Variants in C1QTNF7 observed in about 807,000 individuals in gnomAD.
C1QTNF7 encodes C1q and TNF related 7, also known as complement C1q tumor necrosis factor-related protein 7.
C1QTNF7 carries 15 observed loss-of-function variants against 19.6 expected under a neutral mutation model. The observed-to-expected ratio is 0.76, with a 90% CI of 0.51 to 1.18. C1QTNF7 has a LOEUF of 1.18. Ranked by LOEUF, C1QTNF7 falls within the 50% of genes most tolerant of loss-of-function variation. The pLI is 0.00. For synonymous variants in C1QTNF7, 142 were observed against 137.5 expected (o/e 1.03, Z -0.23); for missense variants, 324 against 359.7 (o/e 0.90, Z 0.80).
rs555051765 is a variant in C1QTNF7, at chr4:15,445,309, G to A, written c.*2510G>A. 1 of 152,178 alleles carries A rather than the reference G, an allele frequency of 6.6e-6. No homozygotes were observed. Among genetic ancestry groups the A allele is most frequent in the African/African-American group, 2.4e-5 (1 of 41,454 alleles). 9.4% of individuals were successfully genotyped at this position (152,178 alleles called of 1,614,324 possible). ...TAATCCGGGAAAAGTGAACATATGG[G>A]CCCTTTAAAGACTACAAGATTTGCT... On this transcript the variant is annotated 3_prime_UTR_variant, in exon 3 of 3. Coordinates refer to ENST00000444304, the MANE Select transcript of C1QTNF7 (RefSeq NM_031911.5).
chr4:15,401,059 T>C (rs892883000), intron 1 of C1QTNF7, among the ~76,000 whole-genome samples: 2 of 152,202 alleles, frequency 1.3e-5, no homozygotes, highest in African/African-American at 4.8e-5. Flanking sequence ...CCGGAAATAC[T>C]AGCGGGCGCA....
chr4:15,412,268 C>T lies in C1QTNF7; in HGVS notation c.14-23468C>T, dbSNP rs114873639. On this transcript the variant is annotated intron_variant, in intron 1 of 2. Coordinates refer to the C1QTNF7 transcript ENST00000295297. ...CATTACAGTATAATAATAATAGAAA[C>T]AAAGTGCACAATAAATGTAATGCAC... Among the ~76,000 whole-genome samples the T allele has an allele frequency of 6.4e-3, 981 of 152,190 alleles. 16 individuals are homozygous for T. The highest frequency in any genetic ancestry group is 0.022 in the African/African-American group (932 of 41,496).
chr4:15,350,761 A>C (rs1308318234), intron 1 of C1QTNF7, among the ~76,000 whole-genome samples: 1 of 152,234 alleles, frequency 6.6e-6, no homozygotes, highest in Non-Finnish European at 1.5e-5. Context: ...AAACCTATTA[A>C]AATCAAAGCA....
At chr4:15,400,942 G>A (rs1442398215) in intron 1 of C1QTNF7, among the ~76,000 whole-genome samples, 1 of 152,090 alleles carries the variant, frequency 6.6e-6, no homozygotes, top group Non-Finnish European at 1.5e-5. Flanking sequence ...AGGGGAAAGG[G>A]GACATGTAGG....
chr4:15,378,614 GA>G (rs1371886254), intron 1 of C1QTNF7, among the ~76,000 whole-genome samples: 1 of 152,096 alleles, frequency 6.6e-6, no homozygotes, highest in Non-Finnish European at 1.5e-5. Flanking sequence ...TACATTGTTG[GA>G]GGAGATAAGA....
At chr4:15,441,757 C>T (rs1230135802) in intron 2 of C1QTNF7, among the ~76,000 whole-genome samples, 2 of 152,148 alleles carry the variant, frequency 1.3e-5, no homozygotes, top group Non-Finnish European at 2.9e-5. Context: ...CGCGGTGGCT[C>T]ATGCCTATAA....
intron 1 of C1QTNF7, among the ~76,000 whole-genome samples, chr4:15,364,366 T>C (rs1274100288): frequency 1.3e-5 from 2 of 152,210 alleles, no homozygotes; most frequent in Admixed American, 6.5e-5. Context: ...TGGGCAAGTT[T>C]CACAGCTCTA....
At chr4:15,339,922 G>T, upstream of C1QTNF7, 1 of 560,606 alleles carries the variant, frequency 1.8e-6, no homozygotes, top group Non-Finnish European at 3.1e-6. Context: ...AATTATAGAA[G>T]TTGGCAAGTC....
intron 1 of C1QTNF7, among the ~76,000 whole-genome samples, chr4:15,354,409 C>T (rs1365308180): frequency 3.3e-5 from 5 of 152,050 alleles, no homozygotes; most frequent in Non-Finnish European, 7.4e-5. Context: ...TTTAGGAAGA[C>T]GAAGCTGACC....
intron 1 of C1QTNF7, among the ~76,000 whole-genome samples, chr4:15,428,683 A>G (rs1266762124): frequency 6.6e-6 from 1 of 152,178 alleles, no homozygotes; most frequent in Non-Finnish European, 1.5e-5. Flanking sequence ...GAGCCCCCAA[A>G]AGCAAAGAAC....
intron 1 of C1QTNF7, among the ~76,000 whole-genome samples, chr4:15,392,611 C>T (rs1272260262): frequency 2.0e-5 from 3 of 152,196 alleles, no homozygotes; most frequent in South Asian, 2.1e-4. Context: ...CTTCTCTTTG[C>T]GTGGAATGAT....
At chr4:15,424,219 C>G (rs1180452074), upstream of C1QTNF7, among the ~76,000 whole-genome samples, 1 of 152,154 alleles carries the variant, frequency 6.6e-6, no homozygotes, top group African/African-American at 2.4e-5. Context: ...ATATCCAATA[C>G]AATACTTGTC....
chr4:15,393,125 A>G (rs926527947), intron 1 of C1QTNF7, among the ~76,000 whole-genome samples: 1 of 152,160 alleles, frequency 6.6e-6, no homozygotes, highest in Non-Finnish European at 1.5e-5. Context: ...ATGGTTTTAT[A>G]AGGGGAAATC....
chr4:15,394,429 T>C (rs4698105), intron 1 of C1QTNF7, among the ~76,000 whole-genome samples: 17,450 of 152,300 alleles, frequency 0.11, 1,678 homozygotes, highest in African/African-American at 0.23. Flanking sequence ...CACCACATAT[T>C]GTTTAGTGAA....
At chr4:15,371,572 G>T (rs1356898396) in intron 1 of C1QTNF7, among the ~76,000 whole-genome samples, 1 of 152,172 alleles carries the variant, frequency 6.6e-6, no homozygotes. Context: ...TATACCTATT[G>T]CTATAACCAC....
chr4:15,435,647 C>T, intron 1 of C1QTNF7, 89 bp from the exon 2 acceptor site: 1 of 1,540,026 alleles, frequency 6.5e-7, no homozygotes, highest in Non-Finnish European at 8.8e-7. Context: ...TGCAAATGCA[C>T]ATTCTCTTGT....
intron 1 of C1QTNF7, among the ~76,000 whole-genome samples, chr4:15,430,382 C>T (rs1045925039): frequency 2.0e-5 from 3 of 152,142 alleles, no homozygotes; most frequent in Admixed American, 1.3e-4. Context: ...TTTAGGAGTT[C>T]AAGACCAACC....
Position 15,443,026 on chromosome 4 carries a change from T to G in C1QTNF7, c.*227T>G, listed in dbSNP as rs1321182553. 5.4e-5 allele frequency: 20 copies of G among 368,792 alleles called. No individual in the cohort carries two copies. In the East Asian group the frequency reaches 8.4e-4, roughly 16 times the overall value. 22.8% of individuals were successfully genotyped at this position (368,792 alleles called of 1,614,324 possible). On this transcript the variant is annotated 3_prime_UTR_variant, in exon 3 of 3. Transcript: ENST00000444304. ...GATATAAATTCTCTTGAAAGCAATG[T>G]TCATAAATATTTAAGCAAATTAAAG... is the stretch of plus-strand genomic sequence containing the variant.
chr4:15,397,018 C>A (rs995642298), intron 1 of C1QTNF7, among the ~76,000 whole-genome samples: 1 of 149,836 alleles, frequency 6.7e-6, no homozygotes, highest in Admixed American at 6.7e-5. Context: ...CAAGGAGGAG[C>A]AAGTCCCGTC....
Sources: allele counts gnomAD v4.1 joint callset (sites outside exome capture counted in the v4.1 genomes callset), GRCh38; gene constraint gnomAD v4.1.1; transcripts MANE v1.5; gene names NCBI Gene and HGNC (gene_info 2026-07-23, HGNC 2026-07-21).